Variants in ZNF385D observed in about 807,000 individuals in gnomAD.
ZNF385D encodes the protein zinc finger protein 659.
A neutral mutation model predicts 35.8 loss-of-function variants in ZNF385D; 15 were observed. That is an observed-to-expected ratio of 0.42 (90% CI 0.28 to 0.64). The LOEUF is 0.64. ZNF385D is among the 30% of genes least tolerant of loss of function. The probability of loss-of-function intolerance (pLI) is 0.23; values close to 1 mark genes in which losing one functional copy is unlikely to be tolerated. For missense variants in ZNF385D, 474 were observed against 494.6 expected (o/e 0.96, Z 0.39); for synonymous variants, 212 against 186.8 (o/e 1.13, Z -1.10).
At chr3:21,479,417 A>C (rs1704463627) in intron 4 of ZNF385D, among the ~76,000 whole-genome samples, 2 of 152,090 alleles carry the variant, frequency 1.3e-5, no homozygotes, top group Non-Finnish European at 2.9e-5. Context: ...GTACTCTATT[A>C]ATTTATTCTC....
rs138293073 is a variant in ZNF385D, at chr3:21,612,824, T to C, written c.166-48140A>G. 4.5e-3 allele frequency among the ~76,000 whole-genome samples: 691 copies of C among 152,290 alleles called. 7 individuals are homozygous for C. Among genetic ancestry groups the C allele is most frequent in the African/African-American group, 0.015 (642 of 41,570 alleles). On this transcript the variant is annotated intron_variant, in intron 2 of 7. Transcript: ENST00000281523. ...TGACACTTACCTTTGCTCTTTTTTT[T>C]CACAAAGCAGTTGCTGAGATCAAAT...
At position 21,419,241 on chromosome 3, in the gene ZNF385D, C is replaced by CT. The variant is rs536062529; in HGVS notation, c.*1972dup. 578 of 145,102 alleles carry CT rather than the reference C, an allele frequency of 4.0e-3. 4 individuals carry two copies. Among genetic ancestry groups the CT allele is most frequent in the Middle Eastern group, 0.024 (7 of 294 alleles). 9.0% of individuals were successfully genotyped at this position (145,102 alleles called of 1,614,324 possible). A position where few individuals can be genotyped will look rare whatever the true frequency, so the allele number is the denominator to read the frequency against. ...TCCTTCCTTCCTTCCTTCTTTCCTT[C>CT]TTTTTTTTTGTTTTTGTTTTGGTTG... is the stretch of plus-strand genomic sequence containing the variant. On this transcript the variant is annotated 3_prime_UTR_variant, in exon 8 of 8. Transcript: ENST00000281523.
intron 3 of ZNF385D, among the ~76,000 whole-genome samples, chr3:21,904,565 C>T (rs1292173585): frequency 6.6e-6 from 1 of 152,092 alleles, no homozygotes; most frequent in Non-Finnish European, 1.5e-5. Context: ...CTGGATTCTT[C>T]TTTCTGTTTC....
At chr3:22,144,734 A>T (rs1176799358) in intron 3 of ZNF385D, among the ~76,000 whole-genome samples, 1 of 152,088 alleles carries the variant, frequency 6.6e-6, no homozygotes, top group Non-Finnish European at 1.5e-5. Flanking sequence ...GTGTACAATT[A>T]TTCAAGTAAA....
At chr3:22,262,823 A>G (rs1700704541) in intron 2 of ZNF385D, among the ~76,000 whole-genome samples, 2 of 151,860 alleles carry the variant, frequency 1.3e-5, no homozygotes, top group African/African-American at 2.4e-5. Context: ...ACGATTTGCC[A>G]TTCCATGTGG....
chr3:21,428,562 G>T (rs552479280), intron 5 of ZNF385D, among the ~76,000 whole-genome samples: 1 of 151,582 alleles, frequency 6.6e-6, no homozygotes, highest in East Asian at 1.9e-4. Flanking sequence ...TTCCATCCCC[G>T]CACCCCCACC....
intron 4 of ZNF385D, among the ~76,000 whole-genome samples, chr3:21,486,836 G>C (rs539984038): frequency 3.6e-4 from 55 of 152,092 alleles, no homozygotes; most frequent in African/African-American, 1.3e-3. Context: ...TTTGTTCATT[G>C]ATTCACTCAT....
intron 3 of ZNF385D, among the ~76,000 whole-genome samples, chr3:22,022,072 A>T (rs1697255551): frequency 6.6e-6 from 1 of 152,238 alleles, no homozygotes; most frequent in South Asian, 2.1e-4. Flanking sequence ...GAGTGTGAGT[A>T]AAATTGTAGT....
rs1699298989 is a variant in ZNF385D at position 22,238,221 on chromosome 3, T to G, written c.107-69186A>C. Among the ~76,000 whole-genome samples, 2 of 151,198 alleles carry G rather than the reference T, an allele frequency of 1.3e-5. 1 individual carries two copies. The highest frequency in any genetic ancestry group is 4.3e-4 in the South Asian group (2 of 4,622). ...TGATTTCTGTGGCTTGTAGTAAGTT[T>G]TGCAATTGGAAAGTGCAAGTCTTCC... is the stretch of plus-strand genomic sequence containing the variant. On this transcript the variant is annotated intron_variant, in intron 2 of 5. Transcript: ENST00000494108.
chr3:21,470,362 C>T (rs1703806648), intron 4 of ZNF385D, among the ~76,000 whole-genome samples: 1 of 152,048 alleles, frequency 6.6e-6, no homozygotes, highest in African/African-American at 2.4e-5. Flanking sequence ...TAGCATTGTT[C>T]TAAAATGTGA....
chr3:22,182,715 A>G (rs566420902), intron 2 of ZNF385D, among the ~76,000 whole-genome samples: 5 of 152,282 alleles, frequency 3.3e-5, no homozygotes, highest in African/African-American at 4.8e-5. Flanking sequence ...AGATTGTTTA[A>G]TAAGTTTGTA....
intron 2 of ZNF385D, among the ~76,000 whole-genome samples, chr3:21,585,927 G>C (rs1295110186): frequency 1.2e-4 from 18 of 152,162 alleles, no homozygotes; most frequent in Non-Finnish European, 7.4e-5. Flanking sequence ...CTAGTACTTT[G>C]AGAGGGTGAG....
chr3:21,851,617 G>C (rs995408255), intron 3 of ZNF385D, among the ~76,000 whole-genome samples: 9 of 151,984 alleles, frequency 5.9e-5, no homozygotes, highest in African/African-American at 2.2e-4. Flanking sequence ...TTGTGGTCAT[G>C]ACTCCATATG....
intron 2 of ZNF385D, among the ~76,000 whole-genome samples, chr3:22,207,284 C>T (rs757096362): frequency 6.6e-6 from 1 of 151,802 alleles, no homozygotes; most frequent in African/African-American, 2.4e-5. Flanking sequence ...AAAACAATTC[C>T]ATACATCTAT....
intron 3 of ZNF385D, among the ~76,000 whole-genome samples, chr3:21,841,177 C>T (rs770690991): frequency 6.6e-6 from 1 of 152,006 alleles, no homozygotes; most frequent in African/African-American, 2.4e-5. Context: ...TACTAAACTG[C>T]ATATCGTGGG....
intron 2 of ZNF385D, among the ~76,000 whole-genome samples, chr3:22,319,846 GA>G (rs762390122): frequency 7.6e-4 from 115 of 152,194 alleles, no homozygotes; most frequent in Non-Finnish European, 1.3e-3. Flanking sequence ...TTCAACTTCT[GA>G]AAATTTTTTT....
chr3:21,584,751 T>G (rs2063762516), intron 2 of ZNF385D, among the ~76,000 whole-genome samples: 1 of 152,178 alleles, frequency 6.6e-6, no homozygotes, highest in African/African-American at 2.4e-5. Context: ...GTCACCATGT[T>G]TTCAGCCCTA....
intron 3 of ZNF385D, among the ~76,000 whole-genome samples, chr3:22,135,953 A>G (rs75319730): frequency 1.1e-3 from 166 of 152,310 alleles, no homozygotes; most frequent in African/African-American, 3.9e-3. Flanking sequence ...TTAACCTCAC[A>G]CTTTATATAA....
rs575608222 is a variant in ZNF385D, at chr3:21,775,604, C to T, written c.326-110576G>A. On this transcript the variant is annotated intron_variant, in intron 3 of 5. Coordinates refer to the ZNF385D transcript ENST00000494108. ...ATCTAATTTCAAAATCGAAGTCTTCCGTAACTTATCATGATGATTTCGGTT... is the reference window on the plus strand; with the variant it reads ...ATCTAATTTCAAAATCGAAGTCTTCTGTAACTTATCATGATGATTTCGGTT... 3.7e-4 allele frequency among the ~76,000 whole-genome samples: 56 copies of T among 151,910 alleles called. No individual in the cohort carries two copies. In the South Asian group the frequency reaches 9.4e-3, roughly 25 times the overall value.
Sources: allele counts gnomAD v4.1 joint callset (sites outside exome capture counted in the v4.1 genomes callset), GRCh38; gene constraint gnomAD v4.1.1; transcripts MANE v1.5; gene names NCBI Gene and HGNC (gene_info 2026-07-23, HGNC 2026-07-21).